DLG2: variants seen among roughly 807,000 people sequenced by gnomAD.
The protein encoded by DLG2 is discs large MAGUK scaffold protein 2.
A neutral mutation model predicts 132.5 loss-of-function variants in DLG2; 45 were observed. The observed-to-expected ratio is 0.34, with a 90% CI of 0.27 to 0.44. The LOEUF is 0.44. Among genes scored for constraint, DLG2 ranks in the 20% least tolerant of loss-of-function variants. The pLI, the probability that DLG2 is intolerant of heterozygous loss-of-function variation, is 1.00. For missense variants in DLG2, 1,045 were observed against 1,196.9 expected (o/e 0.87, Z 1.87); for synonymous variants, 424 against 419.6 (o/e 1.01, Z -0.13).
intron 10 of DLG2, among the ~76,000 whole-genome samples, chr11:84,073,867 T>A (rs1016600690): frequency 6.6e-6 from 1 of 152,072 alleles, no homozygotes; most frequent in African/African-American, 2.4e-5. Flanking sequence ...CCACCCAACC[T>A]CCAGGAAGTG....
chr11:84,545,326 C>T (rs2154522909), intron 6 of DLG2: 1 of 515,520 alleles, frequency 1.9e-6, no homozygotes, highest in Non-Finnish European at 3.8e-6. Flanking sequence ...GCTTCCTTCA[C>T]CTCTAAAACT....
chr11:84,365,409 T>G (rs1220167167), intron 7 of DLG2, among the ~76,000 whole-genome samples: 1 of 138,548 alleles, frequency 7.2e-6, no homozygotes, highest in Non-Finnish European at 1.6e-5. Flanking sequence ...CTCTTTTTTT[T>G]TAATTAGTCT....
chr11:84,733,998 T>G (rs1328719111), intron 6 of DLG2, among the ~76,000 whole-genome samples: 1 of 152,158 alleles, frequency 6.6e-6, no homozygotes, highest in African/African-American at 2.4e-5. Context: ...TTGGCCTATA[T>G]CTCTGTTTTG....
chr11:83,930,140 G>T (rs552342033), intron 15 of DLG2, among the ~76,000 whole-genome samples, 188 bp downstream of exon 15: 4 of 152,152 alleles, frequency 2.6e-5, no homozygotes, highest in African/African-American at 9.6e-5. Flanking sequence ...ATCACTCCAG[G>T]GAATAAAACA....
intron 4 of DLG2, among the ~76,000 whole-genome samples, chr11:85,243,626 T>A (rs2075999629): frequency 6.6e-6 from 1 of 151,908 alleles, no homozygotes; most frequent in South Asian, 2.1e-4. Context: ...TACCAATGCA[T>A]GAGACCAGTT....
intron 18 of DLG2, chr11:83,684,525 A>T (rs2079392226): frequency 6.6e-6 from 1 of 152,192 alleles, no homozygotes; most frequent in Non-Finnish European, 1.5e-5. Flanking sequence ...CATACTTAAT[A>T]GTAGGTACTA....
At chr11:84,943,441 G>A (rs534499810) in intron 6 of DLG2, among the ~76,000 whole-genome samples, 2 of 151,738 alleles carry the variant, frequency 1.3e-5, no homozygotes, top group African/African-American at 2.4e-5. Flanking sequence ...ATTTAGTGAA[G>A]GTGACTTTCT....
intron 6 of DLG2, among the ~76,000 whole-genome samples, chr11:84,933,137 G>A (rs190957986): frequency 9.2e-5 from 14 of 152,112 alleles, no homozygotes; most frequent in African/African-American, 3.4e-4. Context: ...ATATATGTTT[G>A]TTGGCCACAT....
chr11:84,576,705 A>C (rs2099501022), intron 6 of DLG2, among the ~76,000 whole-genome samples: 1 of 152,130 alleles, frequency 6.6e-6, no homozygotes, highest in South Asian at 2.1e-4. Flanking sequence ...TTGAATTGAT[A>C]ATTTTTGGCT....
chr11:85,008,839 G>A (rs542857714), intron 6 of DLG2, among the ~76,000 whole-genome samples: 5 of 152,036 alleles, frequency 3.3e-5, no homozygotes, highest in African/African-American at 7.2e-5. Flanking sequence ...TTCATATACT[G>A]ATTGATGCTA....
At chr11:84,544,551 G>T (rs1161671335) in intron 6 of DLG2, among the ~76,000 whole-genome samples, 2 of 152,164 alleles carry the variant, frequency 1.3e-5, no homozygotes, top group Non-Finnish European at 2.9e-5. Context: ...CCAAGAGGCA[G>T]CCTCACATAG....
chr11:85,568,641 C>T (rs1378811763), intron 3 of DLG2, among the ~76,000 whole-genome samples: 2 of 152,050 alleles, frequency 1.3e-5, no homozygotes, highest in Non-Finnish European at 2.9e-5. Context: ...TCAGTTTTGG[C>T]AAATTATGTG....
At chr11:84,402,410 A>G (rs892838769) in intron 7 of DLG2, among the ~76,000 whole-genome samples, 4 of 152,192 alleles carry the variant, frequency 2.6e-5, no homozygotes, top group Non-Finnish European at 5.9e-5. Flanking sequence ...GCTGATTGAT[A>G]TTAAGTGGCA....
chr11:84,088,038 T>A (rs1011394122), intron 10 of DLG2, among the ~76,000 whole-genome samples: 11 of 152,210 alleles, frequency 7.2e-5, no homozygotes, highest in African/African-American at 1.4e-4. Context: ...AAGTCGTTTA[T>A]CAGGTATATT....
chr11:85,078,168 A>G (rs1017875588), intron 6 of DLG2, among the ~76,000 whole-genome samples: 1 of 150,134 alleles, frequency 6.7e-6, no homozygotes, highest in African/African-American at 2.5e-5. Flanking sequence ...AGCCTACTCT[A>G]TTGGGGGAAA....
intron 3 of DLG2, among the ~76,000 whole-genome samples, chr11:85,322,152 T>A (rs2081117378): frequency 6.6e-6 from 1 of 152,104 alleles, no homozygotes; most frequent in African/African-American, 2.4e-5. Flanking sequence ...CTGGTCACCA[T>A]ATCCTTTTCT....
intron 6 of DLG2, among the ~76,000 whole-genome samples, chr11:84,734,321 T>C (rs1297622664): frequency 1.3e-5 from 2 of 152,284 alleles, no homozygotes; most frequent in Admixed American, 6.5e-5. Context: ...TGTTGAGCAG[T>C]GGTTTGCAGT....
At chr11:84,875,775 C>T (rs923513880) in intron 6 of DLG2, among the ~76,000 whole-genome samples, 10 of 152,024 alleles carry the variant, frequency 6.6e-5, no homozygotes, top group Non-Finnish European at 1.2e-4. Flanking sequence ...TCACTTTTGT[C>T]GCCCAGGCTG....
At chr11:84,178,427 C>T (rs1477769988) in intron 8 of DLG2, among the ~76,000 whole-genome samples, 3 of 152,094 alleles carry the variant, frequency 2.0e-5, no homozygotes, top group Non-Finnish European at 4.4e-5. Flanking sequence ...TATGAAAGGT[C>T]GTGAGTATCC....
Sources: allele counts gnomAD v4.1 joint callset (sites outside exome capture counted in the v4.1 genomes callset), GRCh38; gene constraint gnomAD v4.1.1; transcripts MANE v1.5; gene names NCBI Gene and HGNC (gene_info 2026-07-23, HGNC 2026-07-21).